The following R3HDM2 variants were observed in gnomAD, a reference collection of about 807,000 sequenced individuals.
R3HDM2 encodes R3H domain containing 2.
R3HDM2 carries 38 observed loss-of-function variants against 124.5 expected under a neutral mutation model. The observed-to-expected ratio is 0.31, with a 90% CI of 0.24 to 0.40. The LOEUF is 0.40. Ranked by LOEUF, R3HDM2 falls within the 10% of genes least tolerant of loss-of-function variation. R3HDM2 has a pLI of 1.00. For synonymous variants in R3HDM2, 391 were observed against 448.0 expected (o/e 0.87, Z 1.61); for missense variants, 869 against 1,236.9 (o/e 0.70, Z 4.46).
chr12:57,386,858 T>C (rs1174369447), intron 2 of R3HDM2, among the ~76,000 whole-genome samples: 1 of 151,786 alleles, frequency 6.6e-6, no homozygotes, highest in African/African-American at 2.4e-5. Flanking sequence ...TAGCTCAGGG[T>C]TTGTGAATGC....
intron 2 of R3HDM2, among the ~76,000 whole-genome samples, chr12:57,334,913 G>A (rs1440939290): frequency 2.0e-5 from 3 of 151,464 alleles, no homozygotes; most frequent in Non-Finnish European, 2.9e-5. Flanking sequence ...CAAAGCAGGA[G>A]TGTCACCTGA....
chr12:57,409,281 CA>C (rs2068798303), intron 1 of R3HDM2, among the ~76,000 whole-genome samples: 4 of 152,020 alleles, frequency 2.6e-5, no homozygotes, highest in Non-Finnish European at 5.9e-5. Context: ...TCTAGTAAAA[CA>C]TACAATATTA....
Position 57,269,340 on chromosome 12 carries a change from T to A in R3HDM2, c.1697A>T (p.Gln566Leu). The change falls in exon 16 of 24, where the codon CAG becomes CTG. Residue 566 changes from glutamine (Q) to leucine (L), a missense_variant. Coordinates refer to ENST00000402412, the MANE Select transcript of R3HDM2 (RefSeq NM_001394031.1). ...YSPQRGQQLP[Q>L]PSQQPGLQPM... ...TCTCTTACCAGGCTGCTGGGATGGC[T>A]GAGGCAGCTGCTGACCACGTTGGGG... 6.2e-7 allele frequency: 1 copy of A among 1,614,016 alleles called. No individual in the cohort carries two copies. Among genetic ancestry groups the A allele is most frequent in the Non-Finnish European group, 8.5e-7 (1 of 1,179,992 alleles).
intron 2 of R3HDM2, among the ~76,000 whole-genome samples, chr12:57,328,932 G>A (rs1007304746): frequency 6.6e-6 from 1 of 152,108 alleles, no homozygotes; most frequent in Admixed American, 6.6e-5. Context: ...AATTGCAGTG[G>A]TCTGGAACGA....
At chr12:57,380,582 T>C (rs565710544) in intron 2 of R3HDM2, among the ~76,000 whole-genome samples, 1 of 152,198 alleles carries the variant, frequency 6.6e-6, no homozygotes, top group Non-Finnish European at 1.5e-5. Flanking sequence ...TCCTCCATAC[T>C]GGTCTGATTC....
intron 1 of R3HDM2, among the ~76,000 whole-genome samples, chr12:57,429,052 G>C (rs1868877003): frequency 6.6e-6 from 1 of 152,034 alleles, no homozygotes; most frequent in Non-Finnish European, 1.5e-5. Flanking sequence ...GGCCAGTCAG[G>C]CATGCTATTT....
At chr12:57,282,577 C>G (rs1479316376) in intron 13 of R3HDM2, among the ~76,000 whole-genome samples, 1 of 151,918 alleles carries the variant, frequency 6.6e-6, no homozygotes, top group Non-Finnish European at 1.5e-5. Flanking sequence ...GGAGGATCAT[C>G]TGGGCCCAGG....
chr12:57,267,137 A>G (rs2042608466), intron 18 of R3HDM2, among the ~76,000 whole-genome samples: 1 of 152,224 alleles, frequency 6.6e-6, no homozygotes, highest in Non-Finnish European at 1.5e-5. Context: ...GCACACACAC[A>G]GATTCCAAGA....
chr12:57,327,348 T>C (rs753196574), intron 2 of R3HDM2, among the ~76,000 whole-genome samples: 8 of 151,076 alleles, frequency 5.3e-5, no homozygotes, highest in Non-Finnish European at 1.0e-4. Context: ...GGGCCTGTAA[T>C]CCCAGCTTCT....
intron 19 of R3HDM2, among the ~76,000 whole-genome samples, chr12:57,265,554 G>GAA (rs1565863299): frequency 4.5e-5 from 6 of 134,326 alleles, no homozygotes; most frequent in African/African-American, 1.7e-4. Context: ...AAAAGAAAAA[G>GAA]AAAAAAGAAA....
chr12:57,393,217 C>T (rs949779104), intron 2 of R3HDM2, among the ~76,000 whole-genome samples: 15 of 152,168 alleles, frequency 9.9e-5, no homozygotes, highest in African/African-American at 3.6e-4. Flanking sequence ...AATTCTCCTG[C>T]CTCAGCCTCC....
intron 2 of R3HDM2, among the ~76,000 whole-genome samples, chr12:57,354,402 C>T (rs951193534): frequency 6.6e-6 from 1 of 151,962 alleles, no homozygotes; most frequent in African/African-American, 2.4e-5. Flanking sequence ...AAGCGATTCT[C>T]ATGTCTCAGC....
At chr12:57,403,423 C>T (rs138614097) in intron 1 of R3HDM2, among the ~76,000 whole-genome samples, 1,787 of 149,688 alleles carry the variant, frequency 0.012, 32 homozygotes, top group African/African-American at 0.042. Context: ...ACCTGGGAGG[C>T]GGAGGTTGTA....
intron 2 of R3HDM2, among the ~76,000 whole-genome samples, chr12:57,369,606 G>C (rs1374922053): frequency 6.6e-6 from 1 of 152,042 alleles, no homozygotes; most frequent in Non-Finnish European, 1.5e-5. Flanking sequence ...TAAATACTTA[G>C]AATTTTTACC....
rs1248914663 is a variant in R3HDM2, at chr12:57,390,310, G to C, written c.-36+5439C>G. ...TGAGGTGAGTCCTGTGATTATCCAGGCTTAATCCCTAAACAGTGTTTCCAA... is the reference window on the plus strand; with the variant it reads ...TGAGGTGAGTCCTGTGATTATCCAGCCTTAATCCCTAAACAGTGTTTCCAA... On this transcript the variant is annotated intron_variant, in intron 2 of 23. Transcript: ENST00000402412. 1.3e-5 allele frequency among the ~76,000 whole-genome samples: 2 copies of C among 152,152 alleles called. 1 individual carries two copies. Among genetic ancestry groups the C allele is most frequent in the African/African-American group, 4.8e-5 (2 of 41,448 alleles).
chr12:57,417,063 A>G (rs1312396521), intron 1 of R3HDM2, among the ~76,000 whole-genome samples: 2 of 152,116 alleles, frequency 1.3e-5, no homozygotes, highest in East Asian at 3.9e-4. Flanking sequence ...GGTTGCAGTG[A>G]GCCGAGATCC....
intron 2 of R3HDM2, among the ~76,000 whole-genome samples, chr12:57,344,602 C>G (rs1028938294): frequency 3.3e-5 from 5 of 152,060 alleles, no homozygotes; most frequent in African/African-American, 1.2e-4. Context: ...AATGAAAAGA[C>G]AGAATGTCTC....
intron 2 of R3HDM2, among the ~76,000 whole-genome samples, chr12:57,389,299 G>C (rs2138626718): frequency 6.6e-6 from 1 of 152,288 alleles, no homozygotes; most frequent in South Asian, 2.1e-4. Flanking sequence ...CTATACCCAG[G>C]TTCATCAGCA....
rs377740820 is a variant in R3HDM2, at chr12:57,310,279, C to T, written c.150G>A (p.Leu50=). The change falls in exon 3 of 24, where the codon TTG becomes TTA. Residue 50 remains leucine (L), a synonymous_variant. Coordinates refer to ENST00000402412, the MANE Select transcript of R3HDM2 (RefSeq NM_001394031.1). Reference sequence around the variant, plus strand: ...CAATCGTTACCTGTGTCTCCTGACGCAAACTGGTATCTTCACATTCTTTCT... The same window carrying T: ...CAATCGTTACCTGTGTCTCCTGACGTAAACTGGTATCTTCACATTCTTTCT... ...EIEKECEDTS[L]RQETQRRTSN... 78 of 1,536,956 alleles carry T rather than the reference C, an allele frequency of 5.1e-5. No individual in the cohort carries two copies. The African/African-American group carries it at 1.0e-3, about 21-fold the overall frequency.
Sources: allele counts gnomAD v4.1 joint callset (sites outside exome capture counted in the v4.1 genomes callset), GRCh38; gene constraint gnomAD v4.1.1; transcripts MANE v1.5; gene names NCBI Gene and HGNC (gene_info 2026-07-23, HGNC 2026-07-21).